KSR2: variants seen among roughly 807,000 people sequenced by gnomAD.
KSR2 encodes the protein kinase suppressor of ras 2.
A neutral mutation model predicts 107.8 loss-of-function variants in KSR2; 25 were observed. The observed-to-expected ratio is 0.23, with a 90% CI of 0.17 to 0.32. The LOEUF is 0.32. Ranked by LOEUF, KSR2 falls within the 10% of genes least tolerant of loss-of-function variation. The pLI, the probability that KSR2 is intolerant of heterozygous loss-of-function variation, is 1.00. For missense variants in KSR2, 887 were observed against 1,268.9 expected (o/e 0.70, Z 4.57); for synonymous variants, 480 against 507.0 (o/e 0.95, Z 0.71).
chr12:117,799,605 T>C (rs1890758545), intron 3 of KSR2, among the ~76,000 whole-genome samples: 1 of 152,230 alleles, frequency 6.6e-6, no homozygotes, highest in African/African-American at 2.4e-5. Flanking sequence ...ACATTGTCCT[T>C]ATTCTTTCTA....
In KSR2 at chr12:117,471,411, C is replaced by T; in HGVS notation, c.2583-91G>A. 2.9e-6 allele frequency: 4 copies of T among 1,386,840 alleles called. No individual in the cohort carries two copies. The South Asian group carries it at 4.2e-5, about 14-fold the overall frequency. 85.9% of individuals were successfully genotyped at this position (1,386,840 alleles called of 1,614,324 possible). ...ATTAGCACACACCCACCCAGCCAGT[C>T]TCCTGGCACCCATTCTTCTCCCCAC... On this transcript the variant is annotated intron_variant, in intron 17 of 19. Coordinates refer to ENST00000339824, the MANE Select transcript of KSR2 (RefSeq NM_173598.6).
intron 16 of KSR2, among the ~76,000 whole-genome samples, chr12:117,481,931 A>C (rs1872197483): frequency 6.6e-6 from 1 of 152,066 alleles, no homozygotes; most frequent in African/African-American, 2.4e-5. Flanking sequence ...AGAGGGAGTA[A>C]ATGGACCTGA....
At chr12:117,489,623 T>C (rs1171750532) in intron 14 of KSR2, among the ~76,000 whole-genome samples, 1 of 151,346 alleles carries the variant, frequency 6.6e-6, no homozygotes, top group Non-Finnish European at 1.5e-5. Flanking sequence ...TTGAAATCTG[T>C]AAAAAATGTA....
intron 4 of KSR2, among the ~76,000 whole-genome samples, chr12:117,759,177 C>T (rs1444342308): frequency 6.6e-6 from 1 of 152,160 alleles, no homozygotes; most frequent in Non-Finnish European, 1.5e-5. Flanking sequence ...TAGGGCATTC[C>T]CAATGCTTCA....
At chr12:117,802,815 C>A (rs867709779) in intron 3 of KSR2, among the ~76,000 whole-genome samples, 1 of 152,084 alleles carries the variant, frequency 6.6e-6, no homozygotes, top group African/African-American at 2.4e-5. Context: ...CAGGAGAGAG[C>A]GACATATTGA....
intron 14 of KSR2, among the ~76,000 whole-genome samples, chr12:117,498,672 T>G (rs1312325494): frequency 6.6e-6 from 1 of 152,126 alleles, no homozygotes; most frequent in Non-Finnish European, 1.5e-5. Flanking sequence ...CCCCATGTGT[T>G]GTGGGAGGGA....
intron 3 of KSR2, among the ~76,000 whole-genome samples, chr12:117,836,525 A>G (rs1002027654): frequency 6.6e-6 from 1 of 152,098 alleles, no homozygotes; most frequent in Non-Finnish European, 1.5e-5. Flanking sequence ...ACATCACAAC[A>G]CTAAAAGACT....
chr12:117,796,840 G>A (rs928211067), intron 3 of KSR2, among the ~76,000 whole-genome samples: 3 of 152,126 alleles, frequency 2.0e-5, no homozygotes, highest in Non-Finnish European at 4.4e-5. Flanking sequence ...ATGGCATTCA[G>A]TCCCAGACCT....
At chr12:117,825,285 C>A (rs867163728) in intron 3 of KSR2, among the ~76,000 whole-genome samples, 1 of 151,898 alleles carries the variant, frequency 6.6e-6, no homozygotes, top group African/African-American at 2.4e-5. Context: ...TGTGTGGGTC[C>A]GTGGATGGGT....
At chr12:117,529,259 C>T (rs1410992748) in intron 12 of KSR2, among the ~76,000 whole-genome samples, 1 of 152,214 alleles carries the variant, frequency 6.6e-6, no homozygotes, top group East Asian at 1.9e-4. Context: ...CTCTGTTGCC[C>T]AGGCTGGGGT....
At chr12:117,608,978 A>G (rs1460438496) in intron 5 of KSR2, among the ~76,000 whole-genome samples, 1 of 152,060 alleles carries the variant, frequency 6.6e-6, no homozygotes, top group East Asian at 1.9e-4. Flanking sequence ...TCTCCCCACT[A>G]TATTCTGTCC....
intron 3 of KSR2, among the ~76,000 whole-genome samples, chr12:117,822,597 T>G (rs1210545829): frequency 2.0e-5 from 3 of 152,204 alleles, no homozygotes; most frequent in Non-Finnish European, 4.4e-5. Flanking sequence ...ACTGATAATA[T>G]GAAGTCAGTT....
intron 15 of KSR2, among the ~76,000 whole-genome samples, chr12:117,484,992 CAGAAG>C (rs1268168622): frequency 6.6e-6 from 1 of 152,218 alleles, no homozygotes; most frequent in Non-Finnish European, 1.5e-5. Flanking sequence ...TAAGAACACA[CAGAAG>C]AGTCTATTGG....
At position 117,724,326 on chromosome 12, in the gene KSR2, A is replaced by AAG. The variant is rs1555231872; in HGVS notation, c.986+36684_986+36685insCT. Among the ~76,000 whole-genome samples, 92 of 152,122 alleles carry AAG rather than the reference A, an allele frequency of 6.0e-4. 1 individual carries two copies. The highest frequency in any genetic ancestry group is 2.1e-3 in the African/African-American group (89 of 41,518). Reference sequence around the variant, plus strand: ...ACACCCTGTCTCAAAAAAAAAAAAAAAAAAGAAAAATAACATATATCTACC... The same window carrying AAG: ...ACACCCTGTCTCAAAAAAAAAAAAAAAGAAAAGAAAAATAACATATATCTACC... On this transcript the variant is annotated intron_variant, in intron 4 of 19. Coordinates refer to ENST00000339824, the MANE Select transcript of KSR2 (RefSeq NM_173598.6).
At chr12:117,762,384 G>A (rs531162337) in intron 3 of KSR2, among the ~76,000 whole-genome samples, 1 of 152,144 alleles carries the variant, frequency 6.6e-6, no homozygotes, top group African/African-American at 2.4e-5. Flanking sequence ...CATTTGTCCA[G>A]TAAACATCCT....
intron 5 of KSR2, among the ~76,000 whole-genome samples, chr12:117,618,849 T>C (rs1882018954): frequency 6.6e-6 from 1 of 152,204 alleles, no homozygotes; most frequent in African/African-American, 2.4e-5. Context: ...CTCGGATATG[T>C]CTTTATCAGC....
In KSR2 at chr12:117,897,012, G is replaced by A. The variant is rs1313672533; in HGVS notation, c.181-36581C>T. On this transcript the variant is annotated intron_variant, in intron 1 of 19. Coordinates refer to ENST00000339824, the MANE Select transcript of KSR2 (RefSeq NM_173598.6). The surrounding 1 kb of genome is among the most constrained non-coding windows in gnomAD (Gnocchi z 4.5). ...ACAAGACAGGTGCTGTGCCAAGCAG[G>A]GCAGTGATACTTCATCTGCCTAACC... 6.6e-6 allele frequency among the ~76,000 whole-genome samples: 1 copy of A among 152,126 alleles called. No individual in the cohort carries two copies.
chr12:117,631,143 T>G (rs1201035671), intron 5 of KSR2, among the ~76,000 whole-genome samples: 2 of 152,026 alleles, frequency 1.3e-5, no homozygotes, highest in African/African-American at 2.4e-5. Flanking sequence ...ACAAGAAAAC[T>G]TTTTTAAATT....
intron 1 of KSR2, among the ~76,000 whole-genome samples, chr12:117,878,497 G>A (rs182557553): frequency 1.6e-3 from 248 of 152,194 alleles, no homozygotes; most frequent in African/African-American, 5.9e-3. Flanking sequence ...ATAAAAATTG[G>A]TGGCAGGTGC....
Sources: allele counts gnomAD v4.1 joint callset (sites outside exome capture counted in the v4.1 genomes callset), GRCh38; gene constraint gnomAD v4.1.1; non-coding constraint Gnocchi (gnomAD v3.1); transcripts MANE v1.5; gene names NCBI Gene and HGNC (gene_info 2026-07-23, HGNC 2026-07-21).